Variants in SOX18 observed in about 807,000 individuals in gnomAD.
SOX18 encodes SRY-box transcription factor 18.
A neutral mutation model predicts 9.1 loss-of-function variants in SOX18; 2 were observed. The observed-to-expected ratio is 0.22, with a 90% CI of 0.09 to 0.69. The LOEUF (loss-of-function observed/expected upper bound fraction) is 0.69. Ranked by LOEUF, SOX18 falls within the 30% of genes least tolerant of loss-of-function variation. The pLI is 0.80. For synonymous variants in SOX18, 292 were observed against 280.5 expected, an observed-to-expected ratio of 1.04 and a Z score of -0.41; for missense variants, 542 against 567.3, an observed-to-expected ratio of 0.96 and a Z score of 0.45.
chr20:64,049,417 C>T lies in SOX18; in HGVS notation c.100G>A (p.Gly34Ser). The T allele has an allele frequency of 4.0e-6, 4 of 988,982 alleles. No individual in the cohort carries two copies. The highest frequency in any genetic ancestry group is 4.8e-6 in the Non-Finnish European group (4 of 834,562). 61.3% of individuals were successfully genotyped at this position (988,982 alleles called of 1,614,324 possible). Residue 34 changes from glycine to serine, a missense_variant, in exon 1 of 2, where the codon GGC becomes AGC. Coordinates refer to ENST00000340356, the MANE Select transcript of SOX18 (RefSeq NM_018419.3). ...AGGGCGGCGGGGCCGGCGGCGAGGC[C>T]GCGCGTGTCAGCGGCGGCCCCGTGT... ...PGHGAAADTR[G>S]LAAGPAALAA... is the part of the protein sequence containing the mutation.
rs1177806751 is a variant in SOX18 at position 64,048,155 on chromosome 20, G to A, written c.*11C>T. ...AGGAAGCGCTGCAGGGACCCGGGCG[G>A]CGCCGGCGGCCTAGCCGGAGATGCA... On this transcript the variant is annotated 3_prime_UTR_variant, in exon 2 of 2. Transcript: ENST00000340356. The A allele has an allele frequency of 9.1e-6, 14 of 1,538,858 alleles. No homozygotes were observed. Among genetic ancestry groups the A allele is most frequent in the Non-Finnish European group, 1.1e-5 (13 of 1,147,332 alleles).
In SOX18 at chr20:64,048,057, G is replaced by T; in HGVS notation, c.*109C>A. ...ACTGGCTCCTAGGGGGCTGTGACATGGAACCAAACATACACGCGTATGAGA... is the reference window on the plus strand; with the variant it reads ...ACTGGCTCCTAGGGGGCTGTGACATTGAACCAAACATACACGCGTATGAGA... On this transcript the variant is annotated 3_prime_UTR_variant, in exon 2 of 2. Transcript: ENST00000340356. 1.8e-6 allele frequency: 2 copies of T among 1,127,504 alleles called. No individual in the cohort carries two copies. Among genetic ancestry groups the T allele is most frequent in the Non-Finnish European group, 2.6e-6 (2 of 778,602 alleles). The allele number at this position is 1,127,504 out of a possible 1,614,324, so 69.8% of individuals were successfully genotyped here.
At position 64,048,333 on chromosome 20, in the gene SOX18, A is replaced by G; in HGVS notation, c.988T>C (p.Tyr330His). The G allele has an allele frequency of 1.3e-6, 2 of 1,590,638 alleles. No homozygotes were observed. Among genetic ancestry groups the G allele is most frequent in the South Asian group, 2.3e-5 (2 of 87,672 alleles). ...GGCCGAGTCCGGCTGCAGTTGAGGT[A>G]CTGGTCGAACTCGGTGAGGTCCACG... ...ADVDLTEFDQ[Y>H]LNCSRTRPDA... Residue 330 changes from tyrosine to histidine, a missense_variant, in exon 2 of 2, where the codon TAC becomes CAC. By Grantham distance (83) the Tyr-to-His change is moderately conservative. Transcript: ENST00000340356.
Position 64,047,954 on chromosome 20 carries a change from G to A in SOX18, c.*212C>T, listed in dbSNP as rs1316589501. 1.3e-5 allele frequency: 8 copies of A among 608,416 alleles called. No individual in the cohort carries two copies. Among genetic ancestry groups the A allele is most frequent in the Non-Finnish European group, 2.3e-5 (8 of 347,820 alleles). 37.7% of individuals were successfully genotyped at this position (608,416 alleles called of 1,614,324 possible). On this transcript the variant is annotated 3_prime_UTR_variant, in exon 2 of 2. Coordinates refer to ENST00000340356, the MANE Select transcript of SOX18 (RefSeq NM_018419.3). ...CGTGGGAACTCCAGGCACCCTCGCA[G>A]GGGCCCCCCGAGGGCAGGTGGCCCA...
chr20:64,048,383 C>G lies in SOX18; in HGVS notation c.938G>C (p.Gly313Ala). The G allele has an allele frequency of 2.6e-6, 4 of 1,559,928 alleles. No individual in the cohort carries two copies. The highest frequency in any genetic ancestry group is 2.6e-6 in the Non-Finnish European group (3 of 1,156,454). The change falls in exon 2 of 2, where the codon GGG (glycine) becomes GCG (alanine). Residue 313 changes from glycine (G) to alanine (A), a missense_variant. Transcript: ENST00000340356. Reference protein sequence around the residue: ...APPLESAEPLGPAADLWADVD... With the variant: ...APPLESAEPLAPAADLWADVD... The stretch of plus-strand genomic sequence containing the variant: ...GTCGGCCCACAGATCGGCGGCGGGC[C>G]CCAGCGGCTCGGCGCTCTCCAGCGG...
In SOX18 at chr20:64,048,609, C is replaced by G. The variant is rs1210062863; in HGVS notation, c.712G>C (p.Glu238Gln). Residue 238 changes from glutamate (E) to glutamine (Q), a missense_variant, in exon 2 of 2, where the codon GAG becomes CAG. Transcript: ENST00000340356. Reference protein sequence around the residue: ...AAFFPPPAAPEDCALRPFRAP... With the variant: ...AAFFPPPAAPQDCALRPFRAP... ...CGGAAGGGCCGCAGCGCGCAGTCCT[C>G]GGGCGCCGCGGGCGGTGGGAAGAAG... is the stretch of plus-strand genomic sequence containing the variant. 2 of 1,251,758 alleles carry G rather than the reference C, an allele frequency of 1.6e-6. No individual in the cohort carries two copies. Among genetic ancestry groups the G allele is most frequent in the Non-Finnish European group, 2.0e-6 (2 of 1,001,226 alleles). 77.5% of individuals were successfully genotyped at this position (1,251,758 alleles called of 1,614,324 possible).
Position 64,049,176 on chromosome 20 carries a change from A to T in SOX18, c.341T>A (p.Val114Glu), listed in dbSNP as rs754335197. Reference sequence around the variant, plus strand: ...CCGCTCACCCAGCATCTTGCTGAGCACCGCGTTGTGCAGGTCCGGGTTCTG... The same window carrying T: ...CCGCTCACCCAGCATCTTGCTGAGCTCCGCGTTGTGCAGGTCCGGGTTCTG... Reference protein sequence around the residue: ...AQQNPDLHNAVLSKMLGKAWK... With the variant: ...AQQNPDLHNAELSKMLGKAWK... The change falls in exon 1 of 2, where the codon GTG (valine) becomes GAG (glutamate). Residue 114 changes from valine (V) to glutamate (E), a missense_variant. Physicochemically the swap from Val to Glu is moderately radical, Grantham distance 121. Coordinates refer to ENST00000340356, the MANE Select transcript of SOX18 (RefSeq NM_018419.3). 2.7e-6 allele frequency: 4 copies of T among 1,469,382 alleles called. No individual in the cohort carries two copies. The highest frequency in any genetic ancestry group is 2.0e-4 in the Middle Eastern group (1 of 4,922). 91.0% of individuals were successfully genotyped at this position (1,469,382 alleles called of 1,614,324 possible). A position where few individuals can be genotyped will look rare whatever the true frequency, so the allele number is the denominator to read the frequency against.
Position 64,048,514 on chromosome 20 carries a change from C to T in SOX18, c.807G>A (p.Ala269=). 8.2e-7 allele frequency: 1 copy of T among 1,222,094 alleles called. No homozygotes were observed. Among genetic ancestry groups the T allele is most frequent in the Non-Finnish European group, 1.0e-6 (1 of 984,026 alleles). 75.7% of individuals were successfully genotyped at this position (1,222,094 alleles called of 1,614,324 possible). A position where few individuals can be genotyped will look rare whatever the true frequency, so the allele number is the denominator to read the frequency against. ...GCGCCGCGGGGGGCGCGGTCCTGAG[C>T]GCCTCCGCCAGGGGAGCCCCGTAGC... ...GGCYGAPLAE[A]LRTAPPAAPL... Residue 269 remains alanine, a synonymous_variant, in exon 2 of 2, where the codon GCG becomes GCA. Coordinates refer to ENST00000340356, the MANE Select transcript of SOX18 (RefSeq NM_018419.3).
At chr20:64,049,073 GCCCGGGACCCCTGC>G in intron 1 of SOX18, 72 bp downstream of exon 1, 1 of 1,224,160 alleles carries the variant, frequency 8.2e-7, no homozygotes, top group Non-Finnish European at 1.0e-6. Flanking sequence ...GCACCCCGCG[GCCCGGGACCCCTGC>G]CCCCCCCGCC....
Position 64,048,715 on chromosome 20 carries a change from C to T in SOX18, c.606G>A (p.Pro202=). 1.5e-6 allele frequency: 2 copies of T among 1,370,156 alleles called. No homozygotes were observed. The highest frequency in any genetic ancestry group is 1.9e-6 in the Non-Finnish European group (2 of 1,070,604). The allele number at this position is 1,370,156 out of a possible 1,614,324, so 84.9% of individuals were successfully genotyped here. A position where few individuals can be genotyped will look rare whatever the true frequency, so the allele number is the denominator to read the frequency against. Residue 202 remains proline (P), a synonymous_variant, in exon 2 of 2, where the codon CCG becomes CCA. Coordinates refer to ENST00000340356, the MANE Select transcript of SOX18 (RefSeq NM_018419.3). ...GSARAFRELP[P]LGAEFDGLGL... ...CCAGGCCGTCGAACTCGGCGCCCAG[C>T]GGGGGCAGCTCGCGGAAGGCGCGAG...
In SOX18 at chr20:64,048,404, A is replaced by AGCG; in HGVS notation, c.914_916dup (p.Pro305dup). 6.6e-7 allele frequency: 1 copy of AGCG among 1,512,954 alleles called. No homozygotes were observed. Among genetic ancestry groups the AGCG allele is most frequent in the Non-Finnish European group, 8.8e-7 (1 of 1,135,004 alleles). 93.7% of individuals were successfully genotyped at this position (1,512,954 alleles called of 1,614,324 possible). Reference sequence around the variant, plus strand: ...GGGCCCCAGCGGCTCGGCGCTCTCCAGCGGCGGGGCCTCGGGCGGCGGCGA... The same window carrying AGCG: ...GGGCCCCAGCGGCTCGGCGCTCTCCAGCGGCGGCGGGGCCTCGGGCGGCGGCGA... On this transcript the variant is annotated inframe_insertion, in exon 2 of 2. Transcript: ENST00000340356.
rs1486983890 is a variant in SOX18, at chr20:64,048,264, C to A, written c.1057G>T (p.Gly353Cys). ...TCTGGGCAGGACATGGCGCGCGGGC[C>A]CAGTTTGGCCAGTGCCACGTGGTAC... The part of the protein sequence containing the change: ...LPYHVALAKL[G>C]PRAMSCPEES... Residue 353 changes from glycine to cysteine, a missense_variant, in exon 2 of 2, where the codon GGC (glycine) becomes TGC (cysteine). By Grantham distance (159) the Gly-to-Cys change is radical (BLOSUM62 -3). Coordinates refer to ENST00000340356, the MANE Select transcript of SOX18 (RefSeq NM_018419.3). 6.3e-6 allele frequency: 10 copies of A among 1,594,824 alleles called. No homozygotes were observed. Among genetic ancestry groups the A allele is most frequent in the Admixed American group, 3.5e-5 (2 of 57,970 alleles).
At chr20:64,049,092 C>T (rs1228832306) in intron 1 of SOX18, 67 bp downstream of exon 1, 4 of 920,402 alleles carry the variant, frequency 4.3e-6, no homozygotes, top group Non-Finnish European at 5.6e-6. Flanking sequence ...CCCTGCCCCC[C>T]CCGCCCCACC....
chr20:64,049,298 G>T lies in SOX18; in HGVS notation c.219C>A (p.Gly73=). 6.7e-7 allele frequency: 1 copy of T among 1,484,502 alleles called. No individual in the cohort carries two copies. Among genetic ancestry groups the T allele is most frequent in the Non-Finnish European group, 9.0e-7 (1 of 1,107,328 alleles). The allele number at this position is 1,484,502 out of a possible 1,614,324, so 92.0% of individuals were successfully genotyped here. A position where few individuals can be genotyped will look rare whatever the true frequency, so the allele number is the denominator to read the frequency against. The part of the protein sequence containing the change: ...EPGRYGLSPA[G]RGERQAADES... ...CGTCTGCCGCCTGGCGTTCCCCGCG[G>T]CCGGCCGGGCTGAGGCCATAGCGCC... Residue 73 remains glycine, a synonymous_variant, in exon 1 of 2, where the codon GGC becomes GGA. Transcript: ENST00000340356.
At position 64,048,131 on chromosome 20, in the gene SOX18, G is replaced by C; in HGVS notation, c.*35C>G. Reference sequence around the variant, plus strand: ...CGGATCGGTCGCGGGGGCTGCGGGAGGAAGCGCTGCAGGGACCCGGGCGGC... The same window carrying C: ...CGGATCGGTCGCGGGGGCTGCGGGACGAAGCGCTGCAGGGACCCGGGCGGC... On this transcript the variant is annotated 3_prime_UTR_variant, in exon 2 of 2. Coordinates refer to ENST00000340356, the MANE Select transcript of SOX18 (RefSeq NM_018419.3). 1 of 1,524,122 alleles carries C rather than the reference G, an allele frequency of 6.6e-7. No individual in the cohort carries two copies. The highest frequency in any genetic ancestry group is 8.8e-7 in the Non-Finnish European group (1 of 1,136,804). 94.4% of individuals were successfully genotyped at this position (1,524,122 alleles called of 1,614,324 possible).
In SOX18 at chr20:64,049,119, C is replaced by G. The variant is rs768592677; in HGVS notation, c.358+40G>C. ...CGCCCCACCCCGGCCCGAGCCCCCC[C>G]CGCCCTCTCCCCCTTCTCTGCCGCC... On this transcript the variant is annotated intron_variant, in intron 1 of 1. Coordinates refer to ENST00000340356, the MANE Select transcript of SOX18 (RefSeq NM_018419.3). The G allele has an allele frequency of 5.1e-6, 6 of 1,182,256 alleles. 1 individual carries two copies. The highest frequency in any genetic ancestry group is 3.8e-5 in the South Asian group (2 of 52,732). The allele number at this position is 1,182,256 out of a possible 1,614,324, so 73.2% of individuals were successfully genotyped here.
At position 64,048,821 on chromosome 20, in the gene SOX18, C is replaced by T. The variant is rs1446081919; in HGVS notation, c.500G>A (p.Arg167Gln). The part of the protein sequence containing the change: ...RRKKQARKAR[R>Q]LEPGLLLPGL... ...CGGGAGCAGGAGGCCGGGCTCCAGC[C>T]GCCGGGCCTTGCGCGCCTGCTTCTT... Residue 167 changes from arginine (R) to glutamine (Q), a missense_variant, in exon 2 of 2, where the codon CGG (arginine) becomes CAG (glutamine). Coordinates refer to ENST00000340356, the MANE Select transcript of SOX18 (RefSeq NM_018419.3). The T allele has an allele frequency of 7.7e-6, 12 of 1,563,868 alleles. No individual in the cohort carries two copies. Among genetic ancestry groups the T allele is most frequent in the Non-Finnish European group, 9.5e-6 (11 of 1,163,216 alleles).
rs2059420365 is a variant in SOX18 at position 64,049,361 on chromosome 20, G to C, written c.156C>G (p.Pro52=). Residue 52 remains proline (P), a synonymous_variant, in exon 1 of 2, where the codon CCC becomes CCG. Coordinates refer to ENST00000340356, the MANE Select transcript of SOX18 (RefSeq NM_018419.3). The part of the protein sequence containing the change: ...LAAPAAPASP[P]SPQRSPPRSP... ...TGCGCGGGGGACTGCGCTGCGGGCTGGGCGGCGAGGCGGGCGCGGCGGGCG... is the reference window on the plus strand; with the variant it reads ...TGCGCGGGGGACTGCGCTGCGGGCTCGGCGGCGAGGCGGGCGCGGCGGGCG... The C allele has an allele frequency of 1.9e-6, 2 of 1,038,644 alleles. No homozygotes were observed. The highest frequency in any genetic ancestry group is 4.4e-5 in the South Asian group (1 of 22,794). 64.3% of individuals were successfully genotyped at this position (1,038,644 alleles called of 1,614,324 possible).
At chr20:64,048,989 G>C in intron 1 of SOX18, 27 bp from the exon 2 acceptor site, 2 of 1,559,672 alleles carry the variant, frequency 1.3e-6, no homozygotes, top group South Asian at 2.3e-5. Flanking sequence ...CCAGTGAGTG[G>C]AACGCCGTCG....
Sources: gnomAD v4.1 joint callset for allele counts on GRCh38, gnomAD v4.1.1 for gene constraint, MANE v1.5 for transcripts, NCBI Gene and HGNC (gene_info 2026-07-23, HGNC 2026-07-21) for gene names.